BCAS3: variants seen among roughly 807,000 people sequenced by gnomAD.
BCAS3 encodes the protein BCAS4/BCAS3 fusion.
Under a neutral mutation model 116.1 loss-of-function variants are expected in BCAS3, and 53 were observed. That is an observed-to-expected ratio of 0.46 (90% CI 0.37 to 0.57). The LOEUF is 0.57. Ranked by LOEUF, BCAS3 falls within the 20% of genes least tolerant of loss-of-function variation. The probability of loss-of-function intolerance (pLI) is 0.00; values close to 1 mark genes in which losing one functional copy is unlikely to be tolerated. For synonymous variants in BCAS3, 391 were observed against 408.2 expected (o/e 0.96, Z 0.51); for missense variants, 917 against 1,165.4 (o/e 0.79, Z 3.10).
intron 19 of BCAS3, among the ~76,000 whole-genome samples, chr17:61,048,919 G>A (rs1568223555): frequency 6.6e-6 from 1 of 152,068 alleles, no homozygotes; most frequent in Non-Finnish European, 1.5e-5. Context: ...TGTTCAAAAA[G>A]TTAAGTAGAC....
Position 61,388,846 on chromosome 17 carries a change from G to A in BCAS3, c.2594-3131G>A. ...GCCTGCAGGGGGAGGAGCAGAAGGG[G>A]TCTGAGAGGAGGCGTGGAGAAAAGC... On this transcript the variant is annotated intron_variant, in intron 23 of 23. Transcript: ENST00000407086. The surrounding 1 kb of genome is among the most constrained non-coding windows in gnomAD (Gnocchi z 6.5). The A allele has an allele frequency of 2.3e-6, 2 of 864,118 alleles. No homozygotes were observed. Among genetic ancestry groups the A allele is most frequent in the Non-Finnish European group, 3.5e-6 (2 of 574,500 alleles). The allele number at this position is 864,118 out of a possible 1,614,324, so 53.5% of individuals were successfully genotyped here.
intron 6 of BCAS3, among the ~76,000 whole-genome samples, chr17:60,765,470 G>A (rs1250549380): frequency 6.6e-6 from 1 of 152,176 alleles, no homozygotes; most frequent in East Asian, 1.9e-4. Flanking sequence ...GGCTGGATAT[G>A]AAATTCTGGG....
intron 10 of BCAS3, among the ~76,000 whole-genome samples, chr17:60,901,508 C>T (rs1477939374): frequency 1.3e-5 from 2 of 152,028 alleles, no homozygotes; most frequent in Admixed American, 1.3e-4. Flanking sequence ...TTGGAAAATT[C>T]CTCACTTCTC....
chr17:61,295,954 CAAA>C (rs11332478), intron 22 of BCAS3, among the ~76,000 whole-genome samples: 9 of 79,914 alleles, frequency 1.1e-4, no homozygotes, highest in Admixed American at 1.5e-4. Context: ...GACTCCGTCT[CAAA>C]AAAAAAAAAA....
Position 61,251,762 on chromosome 17 carries a change from A to G in BCAS3, c.2426-116565A>G, listed in dbSNP as rs1169826817. Among the ~76,000 whole-genome samples the G allele has an allele frequency of 6.6e-6, 1 of 152,196 alleles. No individual in the cohort carries two copies. Among genetic ancestry groups the G allele is most frequent in the African/African-American group, 2.4e-5 (1 of 41,444 alleles). On this transcript the variant is annotated intron_variant, in intron 22 of 23. Transcript: ENST00000407086. This position sits in a 1 kb window ranked among gnomAD's most constrained non-coding sequence, Gnocchi z 4.7. ...AAGCAATAGCAACTGGGAAAAGGCTAGACTGCTAGGTTCCCAGCTATACTG... is the reference window on the plus strand; with the variant it reads ...AAGCAATAGCAACTGGGAAAAGGCTGGACTGCTAGGTTCCCAGCTATACTG...
At chr17:60,919,354 C>T (rs1018095133) in intron 12 of BCAS3, among the ~76,000 whole-genome samples, 1 of 152,026 alleles carries the variant, frequency 6.6e-6, no homozygotes, top group South Asian at 2.1e-4. Flanking sequence ...GACGAAGTCT[C>T]GGTCTGTTGC....
chr17:61,386,795 T>G (rs1258222780), intron 23 of BCAS3, among the ~76,000 whole-genome samples: 16 of 109,148 alleles, frequency 1.5e-4, no homozygotes, highest in Middle Eastern at 6.4e-3. Context: ...TTTTGTTTTT[T>G]GTTTTTTTTT....
chr17:61,151,024 A>G lies in BCAS3; in HGVS notation c.2425+66460A>G, dbSNP rs986117900. Among the ~76,000 whole-genome samples, 1 of 152,206 alleles carries G rather than the reference A, an allele frequency of 6.6e-6. No homozygotes were observed. Among genetic ancestry groups the G allele is most frequent in the African/African-American group, 2.4e-5 (1 of 41,454 alleles). On this transcript the variant is annotated intron_variant, in intron 22 of 23. Transcript: ENST00000407086. The surrounding 1 kb of genome is among the most constrained non-coding windows in gnomAD (Gnocchi z 4.8). Reference sequence around the variant, plus strand: ...GAGCCACAGACTTCTGTGTAGCCACATCTAGACAACTGAATTTCACTTACA... The same window carrying G: ...GAGCCACAGACTTCTGTGTAGCCACGTCTAGACAACTGAATTTCACTTACA...
At chr17:60,973,595 A>ATG (rs1444400556) in intron 14 of BCAS3, among the ~76,000 whole-genome samples, 1 of 148,364 alleles carries the variant, frequency 6.7e-6, no homozygotes, top group African/African-American at 2.5e-5. Flanking sequence ...TAATATATAT[A>ATG]TATATATATA....
In BCAS3 at chr17:61,228,420, C is replaced by T. The variant is rs1471391215; in HGVS notation, c.2426-139907C>T. Among the ~76,000 whole-genome samples, 4 of 152,134 alleles carry T rather than the reference C, an allele frequency of 2.6e-5. No homozygotes were observed. The highest frequency in any genetic ancestry group is 5.9e-5 in the Non-Finnish European group (4 of 68,010). On this transcript the variant is annotated intron_variant, in intron 22 of 23. Transcript: ENST00000407086. The surrounding 1 kb of genome is among the most constrained non-coding windows in gnomAD (Gnocchi z 5.0). ...TAAAAGCACTAAAGTATAGGCACAC[C>T]TCATTTTACTGCATTTTGCTTGATT...
At chr17:61,319,889 A>ATT (rs1263875261) in intron 22 of BCAS3, among the ~76,000 whole-genome samples, 1 of 125,250 alleles carries the variant, frequency 8.0e-6, no homozygotes, top group Admixed American at 7.7e-5. Flanking sequence ...TCTTTTTTTT[A>ATT]TTTTTTATTT....
chr17:61,005,913 C>T (rs528975907), intron 15 of BCAS3, among the ~76,000 whole-genome samples: 39 of 151,922 alleles, frequency 2.6e-4, no homozygotes, highest in African/African-American at 9.2e-4. Flanking sequence ...TGTCATCTAG[C>T]ATTAGGTATA....
chr17:60,705,300 C>T (rs2143971008), intron 4 of BCAS3, among the ~76,000 whole-genome samples: 1 of 152,214 alleles, frequency 6.6e-6, no homozygotes, highest in African/African-American at 2.4e-5. Flanking sequence ...CGGCAGATCA[C>T]CTTAGGTCAG....
At chr17:61,187,106 T>C (rs1324013113) in intron 22 of BCAS3, among the ~76,000 whole-genome samples, 3 of 152,142 alleles carry the variant, frequency 2.0e-5, no homozygotes, top group Non-Finnish European at 2.9e-5. Flanking sequence ...ATTTCAAGAG[T>C]ATTAAAGTAC....
In BCAS3 at chr17:61,224,379, G is replaced by A. The variant is rs1364941621; in HGVS notation, c.2425+139815G>A. Among the ~76,000 whole-genome samples the A allele has an allele frequency of 6.6e-6, 1 of 152,180 alleles. No homozygotes were observed. Among genetic ancestry groups the A allele is most frequent in the African/African-American group, 2.4e-5 (1 of 41,458 alleles). On this transcript the variant is annotated intron_variant, in intron 22 of 23. Transcript: ENST00000407086. This position sits in a 1 kb window ranked among gnomAD's most constrained non-coding sequence, Gnocchi z 5.7. ...GTTCAGGAGAGATTTCATGGAAGAG[G>A]TATCATTCAAGCTGAGTTTTGTTAT... is the stretch of plus-strand genomic sequence containing the variant.
chr17:61,035,582 CAAAA>C (rs61144658), intron 17 of BCAS3, among the ~76,000 whole-genome samples: 1 of 65,290 alleles, frequency 1.5e-5, no homozygotes. Context: ...GACTCCATCT[CAAAA>C]AAAAAAAAAA....
rs908730354 is a variant in BCAS3 at position 61,034,444 on chromosome 17, G to A, written c.1638-222G>A. Among the ~76,000 whole-genome samples the A allele has an allele frequency of 1.3e-5, 2 of 152,068 alleles. No individual in the cohort carries two copies. The highest frequency in any genetic ancestry group is 4.8e-5 in the African/African-American group (2 of 41,400). Reference sequence around the variant, plus strand: ...TTCAAAAAGGAGTTGATTTTTATTGGTCTTATAAATGTTGCTCTCTTTACA... The same window carrying A: ...TTCAAAAAGGAGTTGATTTTTATTGATCTTATAAATGTTGCTCTCTTTACA... On this transcript the variant is annotated intron_variant, in intron 16 of 23. Transcript: ENST00000407086. The surrounding 1 kb of genome is among the most constrained non-coding windows in gnomAD (Gnocchi z 5.0).
At position 61,045,541 on chromosome 17, in the gene BCAS3, G is replaced by A. The variant is rs942662635; in HGVS notation, c.2029+4649G>A. 4.7e-5 allele frequency among the ~76,000 whole-genome samples: 7 copies of A among 149,044 alleles called. 1 individual carries two copies. The highest frequency in any genetic ancestry group is 1.3e-4 in the Admixed American group (2 of 14,826). ...AAAGAAAAAAAAAAAAAGGCTAGGC[G>A]CAGTGGCTCATGCCTGTAATCCCAG... On this transcript the variant is annotated intron_variant, in intron 19 of 23. Transcript: ENST00000407086.
intron 5 of BCAS3, among the ~76,000 whole-genome samples, chr17:60,737,922 G>T (rs2041139672): frequency 6.6e-6 from 1 of 152,048 alleles, no homozygotes; most frequent in African/African-American, 2.4e-5. Context: ...AAGTAGCTGG[G>T]ATTACAGGCA....
Sources: allele counts gnomAD v4.1 joint callset (sites outside exome capture counted in the v4.1 genomes callset), GRCh38; gene constraint gnomAD v4.1.1; non-coding constraint Gnocchi (gnomAD v3.1); transcripts MANE v1.5; gene names NCBI Gene and HGNC (gene_info 2026-07-23, HGNC 2026-07-21).